The following GNA11 variants were observed in gnomAD, a reference collection of about 807,000 sequenced individuals.
GNA11 encodes the protein guanine nucleotide-binding protein subunit alpha-11.
GNA11 carries 8 observed loss-of-function variants against 38.2 expected under a neutral mutation model. The ratio of observed to expected loss-of-function variants is 0.21; its 90% confidence interval spans 0.12 to 0.38. GNA11 has a LOEUF of 0.38. Among genes scored for constraint, GNA11 ranks in the 10% least tolerant of loss-of-function variants. The probability of loss-of-function intolerance (pLI) is 1.00; values close to 1 mark genes in which losing one functional copy is unlikely to be tolerated. For missense variants in GNA11, 268 were observed against 516.3 expected (o/e 0.52, Z 4.66); for synonymous variants, 211 against 221.4 (o/e 0.95, Z 0.42).
At position 3,094,576 on chromosome 19, in the gene GNA11, G is replaced by A; in HGVS notation, c.-76G>A. 2 of 724,806 alleles carry A rather than the reference G, an allele frequency of 2.8e-6. No homozygotes were observed. The highest frequency in any genetic ancestry group is 3.4e-6 in the Non-Finnish European group (2 of 595,642). 44.9% of individuals were successfully genotyped at this position (724,806 alleles called of 1,614,324 possible). A position where few individuals can be genotyped will look rare whatever the true frequency, so the allele number is the denominator to read the frequency against. ...AGGGCCGCGGCGGGCGGCGGCCGAG[G>A]CGGCTCCGGCCAGGGCCGGGCCGGG... On this transcript the variant is annotated 5_prime_UTR_variant, in exon 1 of 7. Transcript: ENST00000078429. The surrounding 1 kb of genome is among the most constrained non-coding windows in gnomAD (Gnocchi z 6.0).
Position 3,123,502 on chromosome 19 carries a change from A to G in GNA11, c.*2323A>G, listed in dbSNP as rs1369214133. The G allele has an allele frequency of 4.3e-6, 1 of 233,138 alleles. No homozygotes were observed. Among genetic ancestry groups the G allele is most frequent in the Non-Finnish European group, 8.5e-6 (1 of 118,018 alleles). 14.4% of individuals were successfully genotyped at this position (233,138 alleles called of 1,614,324 possible). On this transcript the variant is annotated 3_prime_UTR_variant, in exon 7 of 7. Coordinates refer to ENST00000078429, the MANE Select transcript of GNA11 (RefSeq NM_002067.5). Reference sequence around the variant, plus strand: ...TTGCCACGTGTGGGGCCACGTGGGCATGTGGGGTGTGTGTTTTTACCTTGG... The same window carrying G: ...TTGCCACGTGTGGGGCCACGTGGGCGTGTGGGGTGTGTGTTTTTACCTTGG...
chr19:3,123,239 C>T lies in GNA11; in HGVS notation c.*2060C>T, dbSNP rs866085875. ...GCCCAGCACGCAGGCCGGGGCGCTG[C>T]GGGGCTAAGTATTAGGCCTTCCCAG... On this transcript the variant is annotated 3_prime_UTR_variant, in exon 7 of 7. Coordinates refer to ENST00000078429, the MANE Select transcript of GNA11 (RefSeq NM_002067.5). The T allele has an allele frequency of 1.1e-4, 25 of 233,206 alleles. No homozygotes were observed. The highest frequency in any genetic ancestry group is 1.2e-3 in the Middle Eastern group (1 of 808). The allele number at this position is 233,206 out of a possible 1,614,324, so 14.4% of individuals were successfully genotyped here. A position where few individuals can be genotyped will look rare whatever the true frequency, so the allele number is the denominator to read the frequency against.
chr19:3,120,738 C>T lies in GNA11; in HGVS notation c.890-251C>T, dbSNP rs193235440. 5.3e-5 allele frequency among the ~76,000 whole-genome samples: 8 copies of T among 152,176 alleles called. No homozygotes were observed. The highest frequency in any genetic ancestry group is 2.1e-4 in the South Asian group (1 of 4,828). ...GCAGAGGGCTGAGCAGAGGGAGCAG[C>T]GGTGGGTGCAGAGCCCCAGGTTGGA... On this transcript the variant is annotated intron_variant, in intron 6 of 6. Coordinates refer to ENST00000078429, the MANE Select transcript of GNA11 (RefSeq NM_002067.5). This position sits in a 1 kb window ranked among gnomAD's most constrained non-coding sequence, Gnocchi z 5.9.
At chr19:3,118,901 G>A (rs892390765) in intron 4 of GNA11, 23 bp from the exon 5 acceptor site, 2 of 1,612,126 alleles carry the variant, frequency 1.2e-6, no homozygotes, top group South Asian at 1.1e-5. Flanking sequence ...AGGTGGCTGA[G>A]TCCTGGCGCT....
chr19:3,096,308 G>T (rs1251764456), intron 1 of GNA11, among the ~76,000 whole-genome samples: 2 of 152,268 alleles, frequency 1.3e-5, no homozygotes, highest in East Asian at 3.9e-4. Flanking sequence ...CAGAGCCGTG[G>T]TCCTCACGTT....
At chr19:3,114,396 A>G (rs995497018) in intron 3 of GNA11, among the ~76,000 whole-genome samples, 1 of 152,206 alleles carries the variant, frequency 6.6e-6, no homozygotes, top group Non-Finnish European at 1.5e-5. Flanking sequence ...GCCGGAATCA[A>G]GCGTGGACTT....
At chr19:3,114,042 C>A (rs1009804703) in intron 3 of GNA11, among the ~76,000 whole-genome samples, 4 of 152,134 alleles carry the variant, frequency 2.6e-5, no homozygotes, top group African/African-American at 2.4e-5. Flanking sequence ...TGCACTGCTG[C>A]CCTCCATGCT....
intron 3 of GNA11, among the ~76,000 whole-genome samples, chr19:3,114,658 C>T (rs1913860981): frequency 6.6e-6 from 1 of 152,226 alleles, no homozygotes. Context: ...CTACTACAAA[C>T]CCCCCGAACC....
In GNA11 at chr19:3,110,921, G is replaced by T. The variant is rs537377261; in HGVS notation, c.321+588G>T. On this transcript the variant is annotated intron_variant, in intron 2 of 6. Coordinates refer to ENST00000078429, the MANE Select transcript of GNA11 (RefSeq NM_002067.5). The surrounding 1 kb of genome is among the most constrained non-coding windows in gnomAD (Gnocchi z 5.4). ...TCAGGTGATCCCACCACAGCCTCCC[G>T]GGTAGCTGGGACTGCAGGTGCATCA... is the stretch of plus-strand genomic sequence containing the variant. Among the ~76,000 whole-genome samples, 1 of 152,122 alleles carries T rather than the reference G, an allele frequency of 6.6e-6. No individual in the cohort carries two copies. Among genetic ancestry groups the T allele is most frequent in the Non-Finnish European group, 1.5e-5 (1 of 68,020 alleles).
At position 3,114,253 on chromosome 19, in the gene GNA11, G is replaced by A. The variant is rs763894148; in HGVS notation, c.477-691G>A. ...GCCGGAAAGGTCTGAGCAGGCACCC[G>A]GCCTCTTACAACCCCCACCCCAGGC... On this transcript the variant is annotated intron_variant, in intron 3 of 6. Coordinates refer to ENST00000078429, the MANE Select transcript of GNA11 (RefSeq NM_002067.5). 3.3e-5 allele frequency among the ~76,000 whole-genome samples: 5 copies of A among 152,288 alleles called. No individual in the cohort carries two copies. The South Asian group carries it at 6.2e-4, about 19-fold the overall frequency.
rs144580097 is a variant in GNA11, at chr19:3,118,857, C to T, written c.606-67C>T. 1,434 of 1,494,196 alleles carry T rather than the reference C, an allele frequency of 9.6e-4. 3 individuals carry two copies. The highest frequency in any genetic ancestry group is 1.6e-3 in the Admixed American group (95 of 58,806). 92.6% of individuals were successfully genotyped at this position (1,494,196 alleles called of 1,614,324 possible). On this transcript the variant is annotated intron_variant, in intron 4 of 6. Coordinates refer to ENST00000078429, the MANE Select transcript of GNA11 (RefSeq NM_002067.5). Reference sequence around the variant, plus strand: ...TGGCAGGAGGGGCTTGGGTGGGAGCCGTCCTGGGATTGCAGATTGGGCCTT... The same window carrying T: ...TGGCAGGAGGGGCTTGGGTGGGAGCTGTCCTGGGATTGCAGATTGGGCCTT...
chr19:3,099,153 G>A (rs1214754484), intron 1 of GNA11, among the ~76,000 whole-genome samples: 7 of 152,340 alleles, frequency 4.6e-5, no homozygotes, highest in South Asian at 2.1e-4. Context: ...GGAGGACGCC[G>A]TGGCATCAGG....
intron 4 of GNA11, among the ~76,000 whole-genome samples, chr19:3,116,419 C>A (rs1322248534): frequency 6.6e-6 from 1 of 152,146 alleles, no homozygotes; most frequent in African/African-American, 2.4e-5. Context: ...GGGGATCTGC[C>A]CAGGCCTCAC....
intron 1 of GNA11, among the ~76,000 whole-genome samples, chr19:3,103,476 G>T (rs1428364070): frequency 2.1e-5 from 3 of 140,384 alleles, no homozygotes; most frequent in African/African-American, 5.2e-5. Context: ...GCCTCCCAAA[G>T]TGCTGGGATT....
intron 1 of GNA11, among the ~76,000 whole-genome samples, chr19:3,101,646 G>T (rs548422926): frequency 6.6e-6 from 1 of 152,294 alleles, no homozygotes; most frequent in African/African-American, 2.4e-5. Context: ...GCAGGGGCGG[G>T]GGTCTGTCCC....
At position 3,094,526 on chromosome 19, in the gene GNA11, G is replaced by A. The variant is rs1913310497; in HGVS notation, c.-126G>A. 5.2e-6 allele frequency: 1 copy of A among 192,478 alleles called. No homozygotes were observed. Among genetic ancestry groups the A allele is most frequent in the Admixed American group, 6.8e-5 (1 of 14,678 alleles). 11.9% of individuals were successfully genotyped at this position (192,478 alleles called of 1,614,324 possible). A position where few individuals can be genotyped will look rare whatever the true frequency, so the allele number is the denominator to read the frequency against. On this transcript the variant is annotated 5_prime_UTR_variant, in exon 1 of 7. Transcript: ENST00000078429. The surrounding 1 kb of genome is among the most constrained non-coding windows in gnomAD (Gnocchi z 6.0). ...CCGAGGCGGGGCGGGCCGGCCCGGGGCCGAGGGCCGGTGGCCGAGGCCGGA... is the reference window on the plus strand; with the variant it reads ...CCGAGGCGGGGCGGGCCGGCCCGGGACCGAGGGCCGGTGGCCGAGGCCGGA...
rs1460718217 is a variant in GNA11 at position 3,123,024 on chromosome 19, G to T, written c.*1845G>T. 4.3e-6 allele frequency: 1 copy of T among 233,380 alleles called. No individual in the cohort carries two copies. Among genetic ancestry groups the T allele is most frequent in the Non-Finnish European group, 8.5e-6 (1 of 118,108 alleles). The allele number at this position is 233,380 out of a possible 1,614,324, so 14.5% of individuals were successfully genotyped here. A position where few individuals can be genotyped will look rare whatever the true frequency, so the allele number is the denominator to read the frequency against. ...TTGTGCCAGGTGTCTACCTAAGAGG[G>T]TTGGTGCCAGAAGCCCCCCATGGCG... On this transcript the variant is annotated 3_prime_UTR_variant, in exon 7 of 7. Transcript: ENST00000078429.
chr19:3,121,070 T>C lies in GNA11; in HGVS notation c.971T>C (p.Ile324Thr), dbSNP rs2145328997. ...VDLNPDSDKI[I>T]YSHFTCATDT... ...CTGAACCCCGACAGCGACAAGATCATCTACTCACACTTCACGTGTGCCACC... is the reference window on the plus strand; with the variant it reads ...CTGAACCCCGACAGCGACAAGATCACCTACTCACACTTCACGTGTGCCACC... Residue 324 changes from isoleucine (I) to threonine (T), a missense_variant, in exon 7 of 7, where the codon ATC becomes ACC. Ile to Thr is a moderately conservative substitution (Grantham distance 89). Around this residue, in one of 3 missense-constraint regions of GNA11, gnomAD observed 92 missense variants for 166.7 expected, o/e 0.55. Coordinates refer to ENST00000078429, the MANE Select transcript of GNA11 (RefSeq NM_002067.5). 2 of 1,613,690 alleles carry C rather than the reference T, an allele frequency of 1.2e-6. No individual in the cohort carries two copies. Among genetic ancestry groups the C allele is most frequent in the Non-Finnish European group, 1.7e-6 (2 of 1,179,770 alleles).
chr19:3,103,536 T>G (rs1261531012), intron 1 of GNA11, among the ~76,000 whole-genome samples: 1 of 127,068 alleles, frequency 7.9e-6, no homozygotes, highest in African/African-American at 3.0e-5. Flanking sequence ...TTTTTTTTTT[T>G]TTTTTTTTTT....
Sources: allele counts gnomAD v4.1 joint callset (sites outside exome capture counted in the v4.1 genomes callset), GRCh38; gene constraint gnomAD v4.1.1; regional missense constraint gnomAD v4.1.1; non-coding constraint Gnocchi (gnomAD v3.1); transcripts MANE v1.5; gene names NCBI Gene and HGNC (gene_info 2026-07-23, HGNC 2026-07-21).